ACAD10: variants seen among roughly 807,000 people sequenced by gnomAD.
The protein encoded by ACAD10 is acyl-CoA dehydrogenase family member 10.
In ACAD10, 112 loss-of-function variants were observed where a neutral mutation model predicts 116.8. The observed-to-expected ratio is 0.96, with a 90% CI of 0.82 to 1.12. ACAD10 has a LOEUF of 1.12. Among genes scored for constraint, ACAD10 ranks in the 50% most tolerant of loss-of-function variants. ACAD10 has a pLI of 0.00. For missense variants in ACAD10, 1,259 were observed against 1,350.2 expected (o/e 0.93, Z 1.06); for synonymous variants, 486 against 510.6 (o/e 0.95, Z 0.65).
Position 111,712,695 on chromosome 12 carries a change from A to G in ACAD10, c.850+38A>G, listed in dbSNP as rs762349213. The G allele has an allele frequency of 3.1e-6, 5 of 1,602,864 alleles. No homozygotes were observed. The African/African-American group carries it at 5.4e-5, about 17-fold the overall frequency. On this transcript the variant is annotated intron_variant, in intron 6 of 20. Transcript: ENST00000313698. ...CTTTCATGTTTTGGTAGCTCTCTCCAAGGCGAAGGTTTTGGTCTGTTTCTC... is the reference window on the plus strand; with the variant it reads ...CTTTCATGTTTTGGTAGCTCTCTCCGAGGCGAAGGTTTTGGTCTGTTTCTC...
rs199993809 is a variant in ACAD10 at position 111,749,335 on chromosome 12, T to A, written c.2807T>A (p.Met936Lys). ...TTCTCAGAGAGGGCCCTGGCACTCA[T>A]GAAGGCCCGCGTGAGTGCTTTCCCC... ...IGFSERALALMKARVKSRLAF... is the reference protein window; with the variant it reads ...IGFSERALALKKARVKSRLAF... The change falls in exon 18 of 21, where the codon ATG (methionine) becomes AAG (lysine). Residue 936 changes from methionine to lysine, a missense_variant. Physicochemically the swap from Met to Lys is moderately conservative, Grantham distance 95 (BLOSUM62 -1). Transcript: ENST00000313698. The A allele has an allele frequency of 3.1e-6, 5 of 1,612,800 alleles. No individual in the cohort carries two copies. In the South Asian group the frequency reaches 4.4e-5, roughly 14 times the overall value.
intron 18 of ACAD10, among the ~76,000 whole-genome samples, chr12:111,750,400 G>A (rs1227449621): frequency 3.9e-5 from 6 of 152,066 alleles, no homozygotes; most frequent in Non-Finnish European, 8.8e-5. Flanking sequence ...GATTACCGGC[G>A]TGAGCCACCG....
At position 111,744,716 on chromosome 12, in the gene ACAD10, C is replaced by T. The variant is rs755710906; in HGVS notation, c.1788C>T (p.Phe596=). The change falls in exon 13 of 21, where the codon TTC becomes TTT. Residue 596 remains phenylalanine (F), a synonymous_variant. Coordinates refer to ENST00000313698, the MANE Select transcript of ACAD10 (RefSeq NM_025247.6). The part of the protein sequence containing the change: ...TEFVSNLAWD[F]AVKEGFRVFK... The stretch of plus-strand genomic sequence containing the variant: ...TTGTGTCTAACCTGGCGTGGGATTT[C>T]GCAGTCAAAGAAGGGTTCCGGGTTT... 26 of 1,614,068 alleles carry T rather than the reference C, an allele frequency of 1.6e-5. No individual in the cohort carries two copies. The highest frequency in any genetic ancestry group is 2.0e-5 in the Non-Finnish European group (24 of 1,180,042).
chr12:111,687,948 C>G (rs1224089444), intron 1 of ACAD10: 6 of 152,088 alleles, frequency 3.9e-5, no homozygotes, highest in South Asian at 2.1e-4. Flanking sequence ...CGGCTCACTG[C>G]AACCTCGGCT....
chr12:111,713,794 A>G (rs778978111), intron 6 of ACAD10, among the ~76,000 whole-genome samples: 21 of 148,982 alleles, frequency 1.4e-4, no homozygotes, highest in Non-Finnish European at 2.8e-4. Flanking sequence ...AAAATTAGCT[A>G]GGTGTTTTGG....
At chr12:111,700,520 G>A (rs767246126) in intron 2 of ACAD10, among the ~76,000 whole-genome samples, 9 of 151,986 alleles carry the variant, frequency 5.9e-5, no homozygotes, top group East Asian at 1.9e-4. Flanking sequence ...GCTTGTTTAC[G>A]CTCCCGTCAA....
At chr12:111,718,831 G>A (rs1593031629) in intron 7 of ACAD10, among the ~76,000 whole-genome samples, 3 of 152,110 alleles carry the variant, frequency 2.0e-5, no homozygotes, top group Admixed American at 1.3e-4. Flanking sequence ...AAGGCTGGGC[G>A]CAGTGGCTCC....
intron 2 of ACAD10, among the ~76,000 whole-genome samples, chr12:111,693,701 C>G (rs1257998510): frequency 6.6e-6 from 1 of 152,168 alleles, no homozygotes; most frequent in Non-Finnish European, 1.5e-5. Flanking sequence ...TAAGGGTCAG[C>G]CCTCTGGTCT....
intron 18 of ACAD10, among the ~76,000 whole-genome samples, chr12:111,751,973 G>A (rs535394371): frequency 3.3e-5 from 5 of 151,150 alleles, no homozygotes; most frequent in South Asian, 2.1e-4. Flanking sequence ...CAGGAGAATC[G>A]CCTGAACCCG....
intron 7 of ACAD10, among the ~76,000 whole-genome samples, chr12:111,719,917 C>T (rs1180356245): frequency 7.9e-5 from 12 of 151,220 alleles, no homozygotes; most frequent in Admixed American, 2.0e-4. Context: ...TTAGTAGAGA[C>T]GGAGTTTCAC....
At chr12:111,738,210 G>A (rs1043949749) in intron 12 of ACAD10, among the ~76,000 whole-genome samples, 4 of 151,988 alleles carry the variant, frequency 2.6e-5, no homozygotes, top group African/African-American at 7.3e-5. Context: ...TTCCTTGCTC[G>A]CTAGTATGAC....
At chr12:111,734,721 T>G (rs551075629) in intron 11 of ACAD10, among the ~76,000 whole-genome samples, 116 of 152,340 alleles carry the variant, frequency 7.6e-4, no homozygotes, top group Non-Finnish European at 1.4e-3. Flanking sequence ...GTCCCAGAGA[T>G]AACCATTTGC....
chr12:111,706,782 A>ATTTTTTTTTTTTTT (rs36125603), intron 4 of ACAD10, among the ~76,000 whole-genome samples: 1 of 126,504 alleles, frequency 7.9e-6, no homozygotes, highest in African/African-American at 3.2e-5. Context: ...ATATATATAT[A>ATTTTTTTTTTTTTT]TTTTTTTTTT....
At chr12:111,754,526 A>G (rs1250639680) in intron 19 of ACAD10, among the ~76,000 whole-genome samples, 1 of 152,158 alleles carries the variant, frequency 6.6e-6, no homozygotes, top group African/African-American at 2.4e-5. Context: ...AGTGCCTGTG[A>G]TGACCAAGCA....
intron 5 of ACAD10, 144 bp downstream of exon 5, chr12:111,709,828 T>G (rs1373241716): frequency 1.1e-6 from 1 of 938,022 alleles, no homozygotes; most frequent in African/African-American, 1.7e-5. Flanking sequence ...GTGTTAATTA[T>G]GAAATCTATG....
Position 111,749,333 on chromosome 12 carries a change from C to G in ACAD10, c.2805C>G (p.Leu935=). The change falls in exon 18 of 21, where the codon CTC becomes CTG. Residue 935 remains leucine (L), a synonymous_variant. Transcript: ENST00000313698. Reference sequence around the variant, plus strand: ...GGTTCTCAGAGAGGGCCCTGGCACTCATGAAGGCCCGCGTGAGTGCTTTCC... The same window carrying G: ...GGTTCTCAGAGAGGGCCCTGGCACTGATGAAGGCCCGCGTGAGTGCTTTCC... The part of the protein sequence containing the change: ...LIGFSERALA[L]MKARVKSRLA... 1.2e-6 allele frequency: 2 copies of G among 1,612,556 alleles called. No individual in the cohort carries two copies. Among genetic ancestry groups the G allele is most frequent in the Non-Finnish European group, 1.7e-6 (2 of 1,179,442 alleles).
At chr12:111,727,519 G>A (rs1005986460) in intron 8 of ACAD10, among the ~76,000 whole-genome samples, 3 of 152,138 alleles carry the variant, frequency 2.0e-5, no homozygotes, top group Admixed American at 6.6e-5. Context: ...GCGAGACTCC[G>A]TCTCAAAAAA....
chr12:111,700,321 T>G lies in ACAD10; in HGVS notation c.188-1841T>G, dbSNP rs111551170. 1.2e-3 allele frequency among the ~76,000 whole-genome samples: 178 copies of G among 152,378 alleles called. 1 individual carries two copies. Among genetic ancestry groups the G allele is most frequent in the African/African-American group, 4.2e-3 (175 of 41,596 alleles). On this transcript the variant is annotated intron_variant, in intron 2 of 20. Coordinates refer to ENST00000313698, the MANE Select transcript of ACAD10 (RefSeq NM_025247.6). The stretch of plus-strand genomic sequence containing the variant: ...CATAATTGATGTAATAAACACCTTA[T>G]TAGTATACATTTAACTTTTCTAGTT...
Position 111,756,367 on chromosome 12 carries a change from C to T in ACAD10, c.3074C>T (p.Pro1025Leu), listed in dbSNP as rs756621176. ...GCAGCAGGCCTGAGCAGCGACTACCCACTGGCTCAGTTCTTCACCTGGGCC... is the reference window on the plus strand; with the variant it reads ...GCAGCAGGCCTGAGCAGCGACTACCTACTGGCTCAGTTCTTCACCTGGGCC... Reference protein sequence around the residue: ...FGAAGLSSDYPLAQFFTWARA... With the variant: ...FGAAGLSSDYLLAQFFTWARA... Residue 1025 changes from proline (P) to leucine (L), a missense_variant, in exon 21 of 21, where the codon CCA becomes CTA. Physicochemically the swap from Pro to Leu is moderately conservative, Grantham distance 98 (BLOSUM62 -3). Transcript: ENST00000313698. 1 of 1,611,346 alleles carries T rather than the reference C, an allele frequency of 6.2e-7. No homozygotes were observed. The highest frequency in any genetic ancestry group is 8.5e-7 in the Non-Finnish European group (1 of 1,179,470).
Sources: gnomAD v4.1 joint callset for allele counts (sites outside exome capture counted in the v4.1 genomes callset) on GRCh38, gnomAD v4.1.1 for gene constraint, MANE v1.5 for transcripts, NCBI Gene and HGNC (gene_info 2026-07-23, HGNC 2026-07-21) for gene names.